The following STAG1 variants were observed in gnomAD, a reference collection of about 807,000 sequenced individuals.
The protein encoded by STAG1 is STAG1 cohesin complex component, also known as cohesin subunit SA-1.
STAG1 carries 26 observed loss-of-function variants against 170.9 expected under a neutral mutation model. That is an observed-to-expected ratio of 0.15 (90% CI 0.11 to 0.21). The LOEUF (loss-of-function observed/expected upper bound fraction) is 0.21, where lower values mean the gene tolerates loss of function less well. Among genes scored for constraint, STAG1 ranks in the 10% least tolerant of loss-of-function variants. The pLI is 1.00. For missense variants in STAG1, 964 were observed against 1,509.5 expected (o/e 0.64, Z 5.99); for synonymous variants, 514 against 497.7 (o/e 1.03, Z -0.44).
intron 1 of STAG1, 112 bp from the exon 2 acceptor site, chr3:136,631,093 A>G: frequency 1.9e-6 from 1 of 527,758 alleles, no homozygotes; most frequent in Non-Finnish European, 3.3e-6. Flanking sequence ...CATTTACCCA[A>G]ATGAGCTGAA....
At chr3:136,557,926 T>G (rs1465653802) in intron 5 of STAG1, among the ~76,000 whole-genome samples, 1 of 152,194 alleles carries the variant, frequency 6.6e-6, no homozygotes. Flanking sequence ...CTCATGTTCA[T>G]TCATTCTTTC....
intron 28 of STAG1, 42 bp downstream of exon 28, chr3:136,357,678 G>A: frequency 1.3e-6 from 2 of 1,509,874 alleles, no homozygotes; most frequent in South Asian, 1.3e-5. Flanking sequence ...ATTTACAACA[G>A]TATTATTATA....
At chr3:136,437,410 G>A (rs2088490303) in intron 15 of STAG1, among the ~76,000 whole-genome samples, 1 of 152,172 alleles carries the variant, frequency 6.6e-6, no homozygotes, top group African/African-American at 2.4e-5. Flanking sequence ...TTAAGCCACA[G>A]GCAAGAGCCA....
intron 4 of STAG1, among the ~76,000 whole-genome samples, chr3:136,593,735 T>C (rs1272216351): frequency 6.6e-6 from 1 of 152,216 alleles, no homozygotes; most frequent in Non-Finnish European, 1.5e-5. Context: ...GAATATTATA[T>C]GATTTTAAAT....
chr3:136,421,880 G>A (rs1023566720), intron 19 of STAG1, among the ~76,000 whole-genome samples: 3 of 152,082 alleles, frequency 2.0e-5, no homozygotes, highest in African/African-American at 7.2e-5. Context: ...GCCCGATGTG[G>A]TGGCTCATGC....
At chr3:136,468,223 T>C (rs1419136662) in intron 12 of STAG1, among the ~76,000 whole-genome samples, 2 of 152,040 alleles carry the variant, frequency 1.3e-5, no homozygotes, top group African/African-American at 2.4e-5. Flanking sequence ...TAGGAGCTCG[T>C]TTTTTGAAAA....
chr3:136,473,914 A>G (rs2089683594), intron 10 of STAG1, among the ~76,000 whole-genome samples: 1 of 152,208 alleles, frequency 6.6e-6, no homozygotes, highest in Non-Finnish European at 1.5e-5. Context: ...CACGTCATCC[A>G]GAGGCACAAA....
chr3:136,492,934 G>A (rs1286618544), intron 9 of STAG1, among the ~76,000 whole-genome samples: 1 of 152,128 alleles, frequency 6.6e-6, no homozygotes, highest in Non-Finnish European at 1.5e-5. Context: ...ATAGCACAAA[G>A]GAAGGACAAG....
chr3:136,649,698 T>A (rs1014242589), intron 1 of STAG1, among the ~76,000 whole-genome samples: 6 of 151,910 alleles, frequency 3.9e-5, no homozygotes, highest in African/African-American at 1.5e-4. Flanking sequence ...GGAGGATTAC[T>A]TCAGCCCAGA....
intron 9 of STAG1, among the ~76,000 whole-genome samples, chr3:136,488,874 T>G (rs1444379777): frequency 6.6e-6 from 1 of 152,216 alleles, no homozygotes; most frequent in African/African-American, 2.4e-5. Context: ...GTTTTCATAT[T>G]AAATTTATTT....
intron 24 of STAG1, among the ~76,000 whole-genome samples, chr3:136,368,772 G>A (rs896451108): frequency 7.2e-5 from 11 of 152,182 alleles, no homozygotes; most frequent in African/African-American, 2.7e-4. Context: ...AGTATTAAAG[G>A]AGGGAGACTT....
At chr3:136,551,376 C>T (rs1375572501) in intron 5 of STAG1, among the ~76,000 whole-genome samples, 1 of 150,634 alleles carries the variant, frequency 6.6e-6, no homozygotes, top group Non-Finnish European at 1.5e-5. Context: ...ACCTCTCCCA[C>T]CTCCCACCTC....
At position 136,471,572 on chromosome 3, in the gene STAG1, G is replaced by C. The variant is rs144155706; in HGVS notation, c.1205+841C>G. 8.3e-4 allele frequency among the ~76,000 whole-genome samples: 126 copies of C among 152,262 alleles called. 3 individuals are homozygous for C. In the East Asian group the frequency reaches 0.021, roughly 25 times the overall value. On this transcript the variant is annotated intron_variant, in intron 12 of 33. Coordinates refer to ENST00000383202, the MANE Select transcript of STAG1 (RefSeq NM_005862.3). ...AGATCCCTGCATACATATTTAGTTC[G>C]TGATAGATGTACCATCACAAAGTAG...
intron 5 of STAG1, among the ~76,000 whole-genome samples, chr3:136,557,598 A>G (rs1248875382): frequency 2.0e-5 from 3 of 152,108 alleles, no homozygotes; most frequent in Non-Finnish European, 2.9e-5. Context: ...GCTGGGGTGC[A>G]GTGGTGTGAG....
At position 136,486,144 on chromosome 3, in the gene STAG1, G is replaced by C. The variant is rs554300596; in HGVS notation, c.903-8732C>G. 5.9e-5 allele frequency among the ~76,000 whole-genome samples: 9 copies of C among 152,342 alleles called. No homozygotes were observed. The South Asian group carries it at 1.0e-3, about 18-fold the overall frequency. On this transcript the variant is annotated intron_variant, in intron 9 of 33. Transcript: ENST00000383202. ...AAAATGCTCCACATGTAGTAGGCAA[G>C]TAAGTATTCTTTCTTGAAGCTACTG...
chr3:136,502,938 G>C (rs911553479), intron 7 of STAG1, among the ~76,000 whole-genome samples, 159 bp from the exon 8 acceptor site: 21 of 152,128 alleles, frequency 1.4e-4, no homozygotes, highest in Non-Finnish European at 2.2e-4. Context: ...CTAATTTATA[G>C]AAATAAACTC....
chr3:136,464,771 G>A, intron 13 of STAG1, 110 bp downstream of exon 13: 1 of 813,834 alleles, frequency 1.2e-6, no homozygotes, highest in Non-Finnish European at 1.9e-6. Context: ...AGTATCAGAT[G>A]GACATTTTCA....
intron 5 of STAG1, among the ~76,000 whole-genome samples, chr3:136,553,756 G>C (rs542811299): frequency 6.6e-6 from 1 of 152,354 alleles, no homozygotes; most frequent in East Asian, 1.9e-4. Context: ...CCTGGCAAGA[G>C]AGCGAGACTC....
chr3:136,423,935 C>G (rs79031967), intron 16 of STAG1, among the ~76,000 whole-genome samples: 2 of 151,728 alleles, frequency 1.3e-5, no homozygotes, highest in Admixed American at 6.6e-5. Context: ...ACGATCTCGG[C>G]TCCCTGCAAC....
Sources: allele counts gnomAD v4.1 joint callset (sites outside exome capture counted in the v4.1 genomes callset), GRCh38; gene constraint gnomAD v4.1.1; transcripts MANE v1.5; gene names NCBI Gene and HGNC (gene_info 2026-07-23, HGNC 2026-07-21).